Variants in VAV3 observed in about 807,000 individuals in gnomAD.
VAV3 encodes vav guanine nucleotide exchange factor 3, also known as guanine nucleotide exchange factor VAV3.
A neutral mutation model predicts 131.2 loss-of-function variants in VAV3; 94 were observed. The ratio of observed to expected loss-of-function variants is 0.72; its 90% confidence interval spans 0.61 to 0.85. The LOEUF is 0.85. Among genes scored for constraint, VAV3 ranks in the 40% least tolerant of loss-of-function variants. The pLI, the probability that VAV3 is intolerant of heterozygous loss-of-function variation, is 0.00. For synonymous variants in VAV3, 349 were observed against 342.0 expected, an observed-to-expected ratio of 1.02 and a Z score of -0.22; for missense variants, 939 against 1,002.7, an observed-to-expected ratio of 0.94 and a Z score of 0.86.
Position 107,737,015 on chromosome 1 carries a change from C to A in VAV3, c.1502+11953G>T, listed in dbSNP as rs552900026. Among the ~76,000 whole-genome samples the A allele has an allele frequency of 3.3e-5, 5 of 152,172 alleles. No individual in the cohort carries two copies. The East Asian group carries it at 7.7e-4, about 23-fold the overall frequency. Reference sequence around the variant, plus strand: ...CTGGTACCAAAACAGAGATATAGACCAATGGAACAGAATAGAGGCCTCAGA... The same window carrying A: ...CTGGTACCAAAACAGAGATATAGACAAATGGAACAGAATAGAGGCCTCAGA... On this transcript the variant is annotated intron_variant, in intron 15 of 26. Coordinates refer to ENST00000370056, the MANE Select transcript of VAV3 (RefSeq NM_006113.5).
chr1:107,931,635 T>C (rs185598762), intron 1 of VAV3, among the ~76,000 whole-genome samples: 7 of 152,350 alleles, frequency 4.6e-5, no homozygotes, highest in South Asian at 4.1e-4. Flanking sequence ...AAACACGTGA[T>C]TGAAATATTG....
At chr1:107,811,750 C>T (rs1427371405) in intron 2 of VAV3, among the ~76,000 whole-genome samples, 1 of 152,084 alleles carries the variant, frequency 6.6e-6, no homozygotes, top group East Asian at 1.9e-4. Context: ...ACAAATCAAA[C>T]AACTGCAAAG....
intron 1 of VAV3, among the ~76,000 whole-genome samples, chr1:107,878,117 T>C (rs1670593786): frequency 6.6e-6 from 1 of 152,112 alleles, no homozygotes; most frequent in South Asian, 2.1e-4. Flanking sequence ...TGCAACATAG[T>C]GCCATATATG....
chr1:107,932,899 C>T (rs759142608), intron 1 of VAV3, among the ~76,000 whole-genome samples: 21 of 152,234 alleles, frequency 1.4e-4, no homozygotes, highest in Non-Finnish European at 2.8e-4. Context: ...CTGCCAACAT[C>T]TTGACTTTAG....
Position 107,751,192 on chromosome 1 carries a change from A to T in VAV3, c.1184T>A (p.Val395Asp). 6.2e-7 allele frequency: 1 copy of T among 1,612,456 alleles called. No homozygotes were observed. The highest frequency in any genetic ancestry group is 8.5e-7 in the Non-Finnish European group (1 of 1,179,436). ...TCCCTGAGGTCGTCCAAAAAGCAAA[A>T]CTGGTTGGTTCTAAAATATAAAATG... ...QLSIENLNQP[V>D]LLFGRPQGDG... is the part of the protein sequence containing the mutation. Residue 395 changes from valine to aspartate, a missense_variant, in exon 13 of 27, where the codon GTT becomes GAT. Coordinates refer to ENST00000370056, the MANE Select transcript of VAV3 (RefSeq NM_006113.5).
intron 15 of VAV3, among the ~76,000 whole-genome samples, chr1:107,734,465 T>A (rs1009078242): frequency 1.3e-5 from 2 of 152,068 alleles, no homozygotes; most frequent in African/African-American, 4.8e-5. Context: ...AGGAGACCCA[T>A]CTCACGTGCA....
intron 21 of VAV3, among the ~76,000 whole-genome samples, chr1:107,614,448 CTATT>C (rs925018463): frequency 6.6e-6 from 1 of 151,834 alleles, no homozygotes; most frequent in Non-Finnish European, 1.5e-5. Flanking sequence ...AAATTCCCCT[CTATT>C]TATCTTCACT....
intron 6 of VAV3, among the ~76,000 whole-genome samples, chr1:107,770,388 A>G (rs976503803): frequency 1.3e-5 from 2 of 152,110 alleles, no homozygotes; most frequent in African/African-American, 4.8e-5. Context: ...CCCATGGGAA[A>G]AAGTGTCATG....
At chr1:107,817,178 A>G (rs569288151) in intron 2 of VAV3, among the ~76,000 whole-genome samples, 2 of 152,332 alleles carry the variant, frequency 1.3e-5, no homozygotes, top group African/African-American at 4.8e-5. Flanking sequence ...AGGCAGACAA[A>G]AAATTCTAAA....
intron 17 of VAV3, among the ~76,000 whole-genome samples, chr1:107,696,877 T>C (rs1193804735): frequency 6.6e-6 from 1 of 152,184 alleles, no homozygotes; most frequent in Non-Finnish European, 1.5e-5. Flanking sequence ...TACACCAGCA[T>C]TTCCTCCAAA....
At chr1:107,918,452 G>A (rs1672724582) in intron 1 of VAV3, among the ~76,000 whole-genome samples, 1 of 152,012 alleles carries the variant, frequency 6.6e-6, no homozygotes, top group Admixed American at 6.5e-5. Context: ...TGTAAACCTG[G>A]ATTGTTGCAA....
intron 15 of VAV3, among the ~76,000 whole-genome samples, chr1:107,719,271 A>T (rs886291286): frequency 6.6e-6 from 1 of 152,236 alleles, no homozygotes; most frequent in Admixed American, 6.5e-5. Context: ...TGAACAGGTA[A>T]CCTACAGAAT....
intron 2 of VAV3, among the ~76,000 whole-genome samples, chr1:107,817,547 G>A (rs1211944869): frequency 1.3e-5 from 2 of 152,180 alleles, no homozygotes; most frequent in African/African-American, 4.8e-5. Context: ...GCAGAGGAGA[G>A]GCAGAATCAG....
Position 107,773,494 on chromosome 1 carries a change from C to G in VAV3, c.447-651G>C, listed in dbSNP as rs189179666. On this transcript the variant is annotated intron_variant, in intron 4 of 26. Coordinates refer to ENST00000370056, the MANE Select transcript of VAV3 (RefSeq NM_006113.5). Reference sequence around the variant, plus strand: ...CTTTCAAGCCCATTCAGAGGAAACCCACCAGTCCCCCATCAACCAGACCCT... The same window carrying G: ...CTTTCAAGCCCATTCAGAGGAAACCGACCAGTCCCCCATCAACCAGACCCT... Among the ~76,000 whole-genome samples, 716 of 152,280 alleles carry G rather than the reference C, an allele frequency of 4.7e-3. 1 individual carries two copies. Among genetic ancestry groups the G allele is most frequent in the Non-Finnish European group, 8.8e-3 (601 of 68,018 alleles).
At chr1:107,645,856 G>A (rs1443572194) in intron 19 of VAV3, among the ~76,000 whole-genome samples, 1 of 151,936 alleles carries the variant, frequency 6.6e-6, no homozygotes, top group South Asian at 2.1e-4. Context: ...GCCTCTGATA[G>A]GTTTTTAACC....
At chr1:107,898,950 A>G (rs1288767453) in intron 1 of VAV3, among the ~76,000 whole-genome samples, 1 of 152,202 alleles carries the variant, frequency 6.6e-6, no homozygotes, top group Admixed American at 6.5e-5. Context: ...GTCAACAAAT[A>G]CCCTCTGAGT....
At position 107,594,700 on chromosome 1, in the gene VAV3, G is replaced by C. The variant is rs559160347; in HGVS notation, c.2350+1512C>G. On this transcript the variant is annotated intron_variant, in intron 25 of 26. Transcript: ENST00000370056. ...TTTAAGTTAGACAACTTCATTCATT[G>C]CCGGGCTACATTCTCTGAGTACCTC... is the stretch of plus-strand genomic sequence containing the variant. 2.3e-4 allele frequency among the ~76,000 whole-genome samples: 35 copies of C among 152,078 alleles called. 1 individual carries two copies. The highest frequency in any genetic ancestry group is 7.9e-4 in the African/African-American group (33 of 41,512).
At chr1:107,826,934 T>C (rs1557869494) in intron 2 of VAV3, among the ~76,000 whole-genome samples, 1 of 152,202 alleles carries the variant, frequency 6.6e-6, no homozygotes, top group South Asian at 2.1e-4. Flanking sequence ...TTCAGTTTTT[T>C]ATATTAAAAA....
chr1:107,919,883 A>G (rs1173415785), intron 1 of VAV3, among the ~76,000 whole-genome samples: 1 of 152,166 alleles, frequency 6.6e-6, no homozygotes, highest in East Asian at 1.9e-4. Context: ...AAACATAAAA[A>G]ACATTACCTT....
Sources: allele counts gnomAD v4.1 joint callset (sites outside exome capture counted in the v4.1 genomes callset), GRCh38; gene constraint gnomAD v4.1.1; transcripts MANE v1.5; gene names NCBI Gene and HGNC (gene_info 2026-07-23, HGNC 2026-07-21).